The following TSHZ2 variants were observed in gnomAD, a reference collection of about 807,000 sequenced individuals.
TSHZ2 encodes the protein teashirt zinc finger homeobox 2.
Under a neutral mutation model 74.4 loss-of-function variants are expected in TSHZ2, and 21 were observed. The ratio of observed to expected loss-of-function variants is 0.28; its 90% CI spans 0.20 to 0.41. The LOEUF is 0.41. Among genes scored for constraint, TSHZ2 ranks in the 10% least tolerant of loss-of-function variants. The pLI, the probability that TSHZ2 is intolerant of heterozygous loss-of-function variation, is 1.00. For synonymous variants in TSHZ2, 540 were observed against 515.3 expected (o/e 1.05, Z -0.65); for missense variants, 1,244 against 1,293.5 (o/e 0.96, Z 0.59).
At chr20:53,008,108 T>C (rs1355403756) in intron 1 of TSHZ2, among the ~76,000 whole-genome samples, 2 of 152,134 alleles carry the variant, frequency 1.3e-5, no homozygotes, top group African/African-American at 4.8e-5. Flanking sequence ...AACCTTGATA[T>C]TAGAATTGAG....
At chr20:53,210,758 C>A (rs1989284450) in intron 1 of TSHZ2, among the ~76,000 whole-genome samples, 1 of 152,020 alleles carries the variant, frequency 6.6e-6, no homozygotes, top group South Asian at 2.1e-4. Context: ...CTCTTCTATC[C>A]AGTATTTCCC....
chr20:53,334,314 T>C (rs981481448), intron 2 of TSHZ2, among the ~76,000 whole-genome samples: 22 of 152,128 alleles, frequency 1.4e-4, no homozygotes, highest in Non-Finnish European at 3.1e-4. Context: ...GGAGAGGGCC[T>C]CACTGTGAAA....
intron 1 of TSHZ2, among the ~76,000 whole-genome samples, chr20:53,183,073 A>G (rs978313357): frequency 5.3e-5 from 8 of 152,136 alleles, no homozygotes; most frequent in Non-Finnish European, 1.0e-4. Context: ...TTTCAACATT[A>G]CCCAAAGAAC....
chr20:53,349,008 A>T (rs748611335), intron 2 of TSHZ2, among the ~76,000 whole-genome samples: 71 of 152,188 alleles, frequency 4.7e-4, no homozygotes, highest in Non-Finnish European at 8.2e-4. Context: ...GGCCTGCTTC[A>T]CTAGTCTTTA....
chr20:53,345,731 C>T (rs1980412427), intron 2 of TSHZ2, among the ~76,000 whole-genome samples: 1 of 151,020 alleles, frequency 6.6e-6, no homozygotes, highest in Non-Finnish European at 1.5e-5. Flanking sequence ...CAAGAGCCTC[C>T]TCCCTGCCCC....
intron 1 of TSHZ2, among the ~76,000 whole-genome samples, chr20:53,192,186 G>A (rs1433303443): frequency 6.6e-6 from 1 of 151,916 alleles, no homozygotes; most frequent in Non-Finnish European, 1.5e-5. Context: ...AAGCACAAGA[G>A]GTTGATTTTT....
At chr20:53,247,350 G>A (rs1218637535) in intron 1 of TSHZ2, among the ~76,000 whole-genome samples, 1 of 152,142 alleles carries the variant, frequency 6.6e-6, no homozygotes, top group Non-Finnish European at 1.5e-5. Flanking sequence ...CAGGAATGGT[G>A]CAAGGATCCC....
At chr20:53,439,846 A>G (rs1355406869) in intron 2 of TSHZ2, among the ~76,000 whole-genome samples, 1 of 152,208 alleles carries the variant, frequency 6.6e-6, no homozygotes, top group Admixed American at 6.5e-5. Context: ...TGGAGATTCA[A>G]CATGCTACAT....
In TSHZ2 at chr20:53,420,620, G is replaced by A. The variant is rs985704805; in HGVS notation, c.*9-66524G>A. Reference sequence around the variant, plus strand: ...GGGCGCCTGTAGTCCCAGCTACTTGGGACTACTGGGAGTAGTAGTCCTGAG... The same window carrying A: ...GGGCGCCTGTAGTCCCAGCTACTTGAGACTACTGGGAGTAGTAGTCCTGAG... On this transcript the variant is annotated intron_variant, in intron 2 of 2. Coordinates refer to ENST00000371497, the MANE Select transcript of TSHZ2 (RefSeq NM_173485.6). Among the ~76,000 whole-genome samples the A allele has an allele frequency of 3.9e-5, 6 of 152,084 alleles. No homozygotes were observed. In the South Asian group the frequency reaches 1.2e-3, roughly 32 times the overall value.
chr20:53,030,391 C>G (rs1300677873), intron 1 of TSHZ2, among the ~76,000 whole-genome samples: 3 of 149,964 alleles, frequency 2.0e-5, no homozygotes, highest in African/African-American at 7.3e-5. Flanking sequence ...TTTTGCCTAA[C>G]AGGAAATTCA....
intron 1 of TSHZ2, among the ~76,000 whole-genome samples, chr20:53,191,208 T>G (rs1190606809): frequency 6.6e-6 from 1 of 152,208 alleles, no homozygotes; most frequent in African/African-American, 2.4e-5. Flanking sequence ...ATTGTATATG[T>G]AATGTATATG....
At chr20:53,385,611 C>T (rs778775146) in intron 2 of TSHZ2, among the ~76,000 whole-genome samples, 2 of 152,134 alleles carry the variant, frequency 1.3e-5, no homozygotes, top group Non-Finnish European at 2.9e-5. Context: ...TCCTCTGTCG[C>T]CCTGGAGATG....
chr20:53,088,027 A>G (rs549471264), intron 1 of TSHZ2, among the ~76,000 whole-genome samples: 22 of 152,266 alleles, frequency 1.4e-4, no homozygotes, highest in African/African-American at 4.1e-4. Flanking sequence ...GAAGCATTCT[A>G]TTACCCCATG....
At chr20:53,485,567 G>T (rs1986269358) in intron 2 of TSHZ2, among the ~76,000 whole-genome samples, 1 of 151,996 alleles carries the variant, frequency 6.6e-6, no homozygotes. Flanking sequence ...AAATTAGCTG[G>T]GCATGGTGAT....
At chr20:53,134,741 T>C (rs1987198562) in intron 1 of TSHZ2, among the ~76,000 whole-genome samples, 1 of 152,162 alleles carries the variant, frequency 6.6e-6, no homozygotes, top group Non-Finnish European at 1.5e-5. Flanking sequence ...TCACATTATA[T>C]GATATTTGCT....
chr20:53,190,106 T>C, intron 1 of TSHZ2, among the ~76,000 whole-genome samples: 1 of 66,000 alleles, frequency 1.5e-5, no homozygotes, highest in Non-Finnish European at 2.8e-5. Context: ...TATATATATA[T>C]ATATATATAT....
chr20:53,476,423 A>C (rs1336640049), intron 2 of TSHZ2, among the ~76,000 whole-genome samples: 2 of 152,056 alleles, frequency 1.3e-5, no homozygotes, highest in Non-Finnish European at 2.9e-5. Context: ...TGATTATCTC[A>C]ATAGATGCAG....
intron 2 of TSHZ2, among the ~76,000 whole-genome samples, chr20:53,313,163 C>G (rs1978860819): frequency 6.6e-6 from 1 of 152,208 alleles, no homozygotes; most frequent in Non-Finnish European, 1.5e-5. Context: ...CTAGCCAAGA[C>G]TTGGAATACA....
chr20:53,437,834 C>T (rs1165346849), intron 2 of TSHZ2, among the ~76,000 whole-genome samples: 1 of 152,104 alleles, frequency 6.6e-6, no homozygotes, highest in African/African-American at 2.4e-5. Context: ...AGTGTGACAC[C>T]TCTCCCTCTC....
Sources: allele counts gnomAD v4.1 joint callset (sites outside exome capture counted in the v4.1 genomes callset), GRCh38; gene constraint gnomAD v4.1.1; transcripts MANE v1.5; gene names NCBI Gene and HGNC (gene_info 2026-07-23, HGNC 2026-07-21).